TBX4: variants seen among roughly 807,000 people sequenced by gnomAD.
TBX4 encodes the protein T-box transcription factor 4, also known as T-box transcription factor TBX4.
In TBX4, 13 loss-of-function variants were observed where a neutral mutation model predicts 54.6. The observed-to-expected ratio is 0.24, with a 90% confidence interval of 0.15 to 0.38. TBX4 has a LOEUF of 0.38. Among genes scored for constraint, TBX4 ranks in the 10% least tolerant of loss-of-function variants. The pLI, the probability that TBX4 is intolerant of heterozygous loss-of-function variation, is 1.00. For synonymous variants in TBX4, 314 were observed against 306.7 expected (o/e 1.02, Z -0.25); for missense variants, 631 against 728.5 (o/e 0.87, Z 1.54).
Position 61,465,442 on chromosome 17 carries a change from A to G in TBX4, c.282-377A>G, listed in dbSNP as rs2060528407. On this transcript the variant is annotated intron_variant, in intron 3 of 8. Transcript: ENST00000644296. The surrounding 1 kb of genome is among the most constrained non-coding windows in gnomAD (Gnocchi z 4.9). Reference sequence around the variant, plus strand: ...CAAAGGACAGGAGGGAAATTAAGGCAGCAAGGTTGGCGTCAGAATCTGCTC... The same window carrying G: ...CAAAGGACAGGAGGGAAATTAAGGCGGCAAGGTTGGCGTCAGAATCTGCTC... Among the ~76,000 whole-genome samples, 1 of 152,252 alleles carries G rather than the reference A, an allele frequency of 6.6e-6. No homozygotes were observed. The highest frequency in any genetic ancestry group is 2.1e-4 in the South Asian group (1 of 4,836).
In TBX4 at chr17:61,478,840, C is replaced by T. The variant is rs1254633314; in HGVS notation, c.702+61C>T. On this transcript the variant is annotated intron_variant, in intron 6 of 8. Coordinates refer to ENST00000644296, the MANE Select transcript of TBX4 (RefSeq NM_001321120.2). This position sits in a 1 kb window ranked among gnomAD's most constrained non-coding sequence, Gnocchi z 7.4. ...TAACACCACCCTGCGTTCTCTTCCA[C>T]CAGGCAGAGAGGCAGAGTGTGAAGC... The T allele has an allele frequency of 6.2e-7, 1 of 1,610,826 alleles. No individual in the cohort carries two copies. The highest frequency in any genetic ancestry group is 2.2e-5 in the East Asian group (1 of 44,858).
intron 1 of TBX4, among the ~76,000 whole-genome samples, chr17:61,453,325 T>C (rs908225104): frequency 3.3e-5 from 5 of 152,096 alleles, no homozygotes; most frequent in Non-Finnish European, 7.4e-5. Context: ...TACCAAACTG[T>C]AGGAAACTAG....
rs1430177869 is a variant in TBX4, at chr17:61,456,102, G to A, written c.-3-386G>A. ...CTGTCCTGGGCCCACAGAGAGGCCT[G>A]GACCCCAGTTATTGGGGAACAGCCG... On this transcript the variant is annotated intron_variant, in intron 1 of 8. Coordinates refer to ENST00000644296, the MANE Select transcript of TBX4 (RefSeq NM_001321120.2). 3.9e-5 allele frequency among the ~76,000 whole-genome samples: 6 copies of A among 152,298 alleles called. 1 individual carries two copies. In the South Asian group the frequency reaches 1.2e-3, roughly 32 times the overall value.
Position 61,484,966 on chromosome 17 carries a change from A to T in TBX4, c.*1450A>T, listed in dbSNP as rs963966239. On this transcript the variant is annotated 3_prime_UTR_variant, in exon 9 of 9. Coordinates refer to ENST00000644296, the MANE Select transcript of TBX4 (RefSeq NM_001321120.2). This position sits in a 1 kb window ranked among gnomAD's most constrained non-coding sequence, Gnocchi z 4.1. ...AATAAATATATATATATATATATATATATATAAACACACACACACTACAGA... is the reference window on the plus strand; with the variant it reads ...AATAAATATATATATATATATATATTTATATAAACACACACACACTACAGA... The T allele has an allele frequency of 6.8e-6, 1 of 147,998 alleles. No homozygotes were observed. Among genetic ancestry groups the T allele is most frequent in the African/African-American group, 2.5e-5 (1 of 40,710 alleles). 9.2% of individuals were successfully genotyped at this position (147,998 alleles called of 1,614,324 possible).
Position 61,470,619 on chromosome 17 carries a change from G to A in TBX4, c.549+2962G>A, listed in dbSNP as rs78569919. Among the ~76,000 whole-genome samples the A allele has an allele frequency of 4.8e-3, 729 of 152,340 alleles. 5 individuals are homozygous for A. The highest frequency in any genetic ancestry group is 0.016 in the African/African-American group (685 of 41,576). On this transcript the variant is annotated intron_variant, in intron 5 of 8. Transcript: ENST00000644296. ...AACCTTGGAAGGCAGGTTCAGGAGG[G>A]CAGATTCAGACCTGGGCGTCAGCTC...
rs2060589840 is a variant in TBX4 at position 61,472,733 on chromosome 17, T to G, written c.549+5076T>G. On this transcript the variant is annotated intron_variant, in intron 5 of 8. Transcript: ENST00000644296. This position sits in a 1 kb window ranked among gnomAD's most constrained non-coding sequence, Gnocchi z 4.5. ...GTATTTTATGGATTTATTTTTACATTTAAACCATTGATCCTTTTGAAATTT... is the reference window on the plus strand; with the variant it reads ...GTATTTTATGGATTTATTTTTACATGTAAACCATTGATCCTTTTGAAATTT... Among the ~76,000 whole-genome samples the G allele has an allele frequency of 6.6e-6, 1 of 152,198 alleles. No homozygotes were observed.
chr17:61,467,424 AT>A (rs1240666185), intron 4 of TBX4, 85 bp from the exon 5 acceptor site: 1 of 1,548,256 alleles, frequency 6.5e-7, no homozygotes, highest in Non-Finnish European at 8.9e-7. Flanking sequence ...CCTCTGGTCA[AT>A]GGGGGTTTGC....
At position 61,478,302 on chromosome 17, in the gene TBX4, G is replaced by A. The variant is rs1306674661; in HGVS notation, c.550-325G>A. ...AGCTCACAATTCCACCTGCTACACTGTGCTGAGTTCACAGTGGGCTTTGAC... is the reference window on the plus strand; with the variant it reads ...AGCTCACAATTCCACCTGCTACACTATGCTGAGTTCACAGTGGGCTTTGAC... On this transcript the variant is annotated intron_variant, in intron 5 of 8. Transcript: ENST00000644296. This position sits in a 1 kb window ranked among gnomAD's most constrained non-coding sequence, Gnocchi z 7.4. 2.0e-5 allele frequency: 8 copies of A among 407,954 alleles called. No individual in the cohort carries two copies. Among genetic ancestry groups the A allele is most frequent in the African/African-American group, 1.2e-4 (6 of 49,086 alleles). The allele number at this position is 407,954 out of a possible 1,614,324, so 25.3% of individuals were successfully genotyped here. A position where few individuals can be genotyped will look rare whatever the true frequency, so the allele number is the denominator to read the frequency against.
chr17:61,461,481 G>A lies in TBX4; in HGVS notation c.281+3850G>A, dbSNP rs1445264127. On this transcript the variant is annotated intron_variant, in intron 3 of 8. Transcript: ENST00000644296. The surrounding 1 kb of genome is among the most constrained non-coding windows in gnomAD (Gnocchi z 5.1). ...AGCCCCCACGGACATCAGGGTTGGA[G>A]AAACAAAGGGTTTTAAGGGGACCCC... 6.6e-6 allele frequency among the ~76,000 whole-genome samples: 1 copy of A among 152,108 alleles called. No homozygotes were observed. The highest frequency in any genetic ancestry group is 2.4e-5 in the African/African-American group (1 of 41,424).
rs370805904 is a variant in TBX4, at chr17:61,480,276, C to A, written c.978C>A (p.Thr326=). ...ACCTGCCCCTCAGCACCTTTCCCAC[C>A]CAGAGGGACTCAAGCCTCTTCTATC... ...PQDLPLSTFP[T]QRDSSLFYHC... The change falls in exon 8 of 9, where the codon ACC becomes ACA. Residue 326 remains threonine, a synonymous_variant. Transcript: ENST00000644296. This position sits in a 1 kb window ranked among gnomAD's most constrained non-coding sequence, Gnocchi z 6.2. The A allele has an allele frequency of 1.2e-4, 186 of 1,614,074 alleles. 1 individual carries two copies. In the South Asian group the frequency reaches 1.7e-3, roughly 15 times the overall value.
intron 1 of TBX4, among the ~76,000 whole-genome samples, chr17:61,453,495 CAT>C (rs779044996): frequency 2.0e-5 from 3 of 152,120 alleles, no homozygotes; most frequent in Non-Finnish European, 4.4e-5. Context: ...TAAATAAAGA[CAT>C]ATTAACAAGA....
Position 61,479,543 on chromosome 17 carries a change from GA to G in TBX4, c.703-337del, listed in dbSNP as rs1056905634. On this transcript the variant is annotated intron_variant, in intron 6 of 8. Transcript: ENST00000644296. The surrounding 1 kb of genome is among the most constrained non-coding windows in gnomAD (Gnocchi z 6.1). ...CAGGTCCCCAGGAGAGACCCATGGG[GA>G]CAGAAGCCCGGCAGTGCGGAGGGCT... Among the ~76,000 whole-genome samples the G allele has an allele frequency of 2.6e-5, 4 of 152,204 alleles. No homozygotes were observed. Among genetic ancestry groups the G allele is most frequent in the African/African-American group, 9.7e-5 (4 of 41,450 alleles).
intron 3 of TBX4, chr17:61,463,133 C>T (rs929030789): frequency 6.6e-5 from 10 of 152,316 alleles, no homozygotes; most frequent in Admixed American, 3.3e-4. Flanking sequence ...CTTAGGGCCC[C>T]CCACCCCACC....
Position 61,482,973 on chromosome 17 carries a change from C to A in TBX4, c.1098C>A (p.His366Gln). 1 of 1,614,012 alleles carries A rather than the reference C, an allele frequency of 6.2e-7. No individual in the cohort carries two copies. The highest frequency in any genetic ancestry group is 1.3e-5 in the African/African-American group (1 of 75,024). The stretch of plus-strand genomic sequence containing the variant: ...CCCCCTCTTCGGTGGGGGAGGATCA[C>A]TATTTCCGTTCCCCCCCTCCCTACG... ...LEAPSSVGED[H>Q]YFRSPPPYDQ... is the part of the protein sequence containing the mutation. The change falls in exon 9 of 9, where the codon CAC becomes CAA. Residue 366 changes from histidine (H) to glutamine (Q), a missense_variant. Coordinates refer to ENST00000644296, the MANE Select transcript of TBX4 (RefSeq NM_001321120.2).
chr17:61,480,022 G>A lies in TBX4; in HGVS notation c.791+53G>A. ...CGGGCAGATGGGATTCAGGCACGTG[G>A]CCTCTGTGACCCTCGATGTATCTTC... On this transcript the variant is annotated intron_variant, in intron 7 of 8. Coordinates refer to ENST00000644296, the MANE Select transcript of TBX4 (RefSeq NM_001321120.2). This position sits in a 1 kb window ranked among gnomAD's most constrained non-coding sequence, Gnocchi z 6.2. 1 of 1,612,432 alleles carries A rather than the reference G, an allele frequency of 6.2e-7. No individual in the cohort carries two copies. The highest frequency in any genetic ancestry group is 8.5e-7 in the Non-Finnish European group (1 of 1,178,560).
Position 61,473,567 on chromosome 17 carries a change from A to G in TBX4, c.550-5060A>G, listed in dbSNP as rs1233642470. Among the ~76,000 whole-genome samples, 3 of 152,256 alleles carry G rather than the reference A, an allele frequency of 2.0e-5. No homozygotes were observed. In the South Asian group the frequency reaches 6.2e-4, roughly 32 times the overall value. ...TCCTCCTTTCCTCCCACATTTGCTG[A>G]TCCCTGACAATGTGGCAAGCCCTGA... On this transcript the variant is annotated intron_variant, in intron 5 of 8. Transcript: ENST00000644296.
Position 61,480,765 on chromosome 17 carries a change from AC to A in TBX4, c.1021+449del, listed in dbSNP as rs759586404. Among the ~76,000 whole-genome samples, 1 of 152,080 alleles carries A rather than the reference AC, an allele frequency of 6.6e-6. No individual in the cohort carries two copies. Among genetic ancestry groups the A allele is most frequent in the Non-Finnish European group, 1.5e-5 (1 of 67,994 alleles). On this transcript the variant is annotated intron_variant, in intron 8 of 8. Transcript: ENST00000644296. This position sits in a 1 kb window ranked among gnomAD's most constrained non-coding sequence, Gnocchi z 6.2. ...TGGTGTCTCACGTGCAGGGCCTTCCACCCAATCATTCCTTCCAGGATCTGCA... is the reference window on the plus strand; with the variant it reads ...TGGTGTCTCACGTGCAGGGCCTTCCACCAATCATTCCTTCCAGGATCTGCA...
intron 1 of TBX4, among the ~76,000 whole-genome samples, chr17:61,454,929 A>G (rs902716014): frequency 1.3e-5 from 2 of 152,086 alleles, no homozygotes; most frequent in African/African-American, 4.8e-5. Context: ...GGGGCCCTAG[A>G]TATAGTTGGA....
intron 3 of TBX4, among the ~76,000 whole-genome samples, chr17:61,458,362 C>G (rs1001880247): frequency 2.6e-5 from 4 of 151,678 alleles, no homozygotes; most frequent in Admixed American, 6.6e-5. Flanking sequence ...TGGAGGAGAA[C>G]GGTTATCAGG....
Sources: gnomAD v4.1 joint callset for allele counts (sites outside exome capture counted in the v4.1 genomes callset) on GRCh38, gnomAD v4.1.1 for gene constraint, Gnocchi (gnomAD v3.1) non-coding constraint, MANE v1.5 for transcripts, NCBI Gene and HGNC (gene_info 2026-07-23, HGNC 2026-07-21) for gene names.